The following SPMIP2 variants were observed in gnomAD, a reference collection of about 807,000 sequenced individuals.
The protein encoded by SPMIP2 is sperm microtubule inner protein 2.
chr4:158,917,584 C>T, the SPMIP2 span, among the ~76,000 whole-genome samples: 6 of 151,972 alleles, frequency 3.9e-5, no homozygotes, highest in African/African-American at 1.5e-4. Context: ...GCTTCAATTT[C>T]CTCTGCTTGT....
chr4:158,999,794 G>A, the SPMIP2 span, among the ~76,000 whole-genome samples: 1 of 152,168 alleles, frequency 6.6e-6, no homozygotes, highest in Admixed American at 6.5e-5. Context: ...AAAGCCACAT[G>A]ACAGTAAAGA....
the SPMIP2 span, among the ~76,000 whole-genome samples, chr4:158,909,830 C>T: frequency 6.6e-6 from 1 of 152,132 alleles, no homozygotes; most frequent in Non-Finnish European, 1.5e-5. Flanking sequence ...ATCACGAGGT[C>T]AGGAGATCGA....
At chr4:159,014,452 C>CA in the SPMIP2 span, among the ~76,000 whole-genome samples, 1 of 151,768 alleles carries the variant, frequency 6.6e-6, no homozygotes, top group Admixed American at 6.6e-5. Flanking sequence ...GACTCTGTCT[C>CA]AAAAAAAATT....
At chr4:158,904,649 C>T in the SPMIP2 span, 1 of 959,974 alleles carries the variant, frequency 1.0e-6, no homozygotes, top group Non-Finnish European at 1.6e-6. Context: ...GAAGAGCAAA[C>T]AGAAACAGTC....
chr4:158,923,169 T>C, the SPMIP2 span, among the ~76,000 whole-genome samples: 1 of 152,350 alleles, frequency 6.6e-6, no homozygotes, highest in Non-Finnish European at 1.5e-5. Flanking sequence ...TGTAGCTTTA[T>C]AGCAAGTTTT....
At chr4:158,916,078 G>T in the SPMIP2 span, among the ~76,000 whole-genome samples, 1 of 152,174 alleles carries the variant, frequency 6.6e-6, no homozygotes, top group Non-Finnish European at 1.5e-5. Context: ...TGAGTCTGTG[G>T]GTTCCCAAGG....
At chr4:159,045,159 T>TTTC in the SPMIP2 span, among the ~76,000 whole-genome samples, 3 of 151,840 alleles carry the variant, frequency 2.0e-5, no homozygotes, top group African/African-American at 7.2e-5. Context: ...ATTTCAGATG[T>TTTC]AGATACATCT....
At chr4:159,004,488 G>A in the SPMIP2 span, among the ~76,000 whole-genome samples, 2 of 151,848 alleles carry the variant, frequency 1.3e-5, no homozygotes, top group Non-Finnish European at 2.9e-5. Flanking sequence ...ACGGGGTTTT[G>A]CCATGTTGGC....
At chr4:158,944,372 T>C in the SPMIP2 span, among the ~76,000 whole-genome samples, 1 of 152,128 alleles carries the variant, frequency 6.6e-6, no homozygotes. Context: ...TTTGACGTCT[T>C]ATTTCACGGT....
At chr4:158,907,437 A>G in the SPMIP2 span, 2 of 152,130 alleles carry the variant, frequency 1.3e-5, no homozygotes, top group African/African-American at 4.8e-5. Flanking sequence ...TTTTGGAGGG[A>G]GAAAAATCCC....
chr4:158,931,653 C>T, the SPMIP2 span, among the ~76,000 whole-genome samples: 1 of 152,116 alleles, frequency 6.6e-6, no homozygotes, highest in Non-Finnish European at 1.5e-5. Context: ...ACCTCCACCT[C>T]CCAGACTCAG....
the SPMIP2 span, among the ~76,000 whole-genome samples, chr4:158,985,431 C>A: frequency 6.6e-6 from 1 of 151,532 alleles, no homozygotes; most frequent in Non-Finnish European, 1.5e-5. Flanking sequence ...AAAGCTTATC[C>A]ACCATGATCA....
chr4:158,970,297 T>C, the SPMIP2 span, among the ~76,000 whole-genome samples: 14 of 152,250 alleles, frequency 9.2e-5, no homozygotes, highest in African/African-American at 1.7e-4. Context: ...TCCCAGCACA[T>C]TGGGAGGCCG....
At chr4:158,921,618 G>C in the SPMIP2 span, among the ~76,000 whole-genome samples, 1 of 152,094 alleles carries the variant, frequency 6.6e-6, no homozygotes, top group African/African-American at 2.4e-5. Flanking sequence ...AGCCTGTACA[G>C]CCTGCAGAAC....
chr4:159,046,730 A>C, the SPMIP2 span, among the ~76,000 whole-genome samples: 1 of 152,096 alleles, frequency 6.6e-6, no homozygotes, highest in Non-Finnish European at 1.5e-5. Context: ...ATGTCACCAC[A>C]CTCAGCTAAT....
chr4:159,062,697 G>GTCTCTCTCTTTC, the SPMIP2 span, among the ~76,000 whole-genome samples: 7 of 95,152 alleles, frequency 7.4e-5, no homozygotes, highest in African/African-American at 2.5e-4. Flanking sequence ...TTGAAACAGG[G>GTCTCTCTCTTTC]TCTCTCTCTC....
the SPMIP2 span, among the ~76,000 whole-genome samples, chr4:159,047,263 A>G: frequency 6.6e-6 from 1 of 152,220 alleles, no homozygotes; most frequent in African/African-American, 2.4e-5. Flanking sequence ...TTCTAAATAA[A>G]TTTGCTCCAA....
chr4:158,930,816 G>C, the SPMIP2 span, among the ~76,000 whole-genome samples: 1 of 152,204 alleles, frequency 6.6e-6, no homozygotes, highest in African/African-American at 2.4e-5. Flanking sequence ...CTTTACTAAG[G>C]ATCTGTTGTA....
the SPMIP2 span, among the ~76,000 whole-genome samples, chr4:158,897,127 A>G: frequency 6.6e-6 from 1 of 152,078 alleles, no homozygotes; most frequent in Non-Finnish European, 1.5e-5. Context: ...TTTGATGAGA[A>G]TGATGGTTTC....
Sources: allele counts gnomAD v4.1 joint callset (sites outside exome capture counted in the v4.1 genomes callset), GRCh38; gene constraint gnomAD v4.1.1; transcripts MANE v1.5; gene names NCBI Gene and HGNC (gene_info 2026-07-23, HGNC 2026-07-21).